Variants in HCRTR2 observed in about 807,000 individuals in gnomAD.
The protein encoded by HCRTR2 is orexin receptor type 2.
HCRTR2 carries 22 observed loss-of-function variants against 49.0 expected under a neutral mutation model. That is an observed-to-expected ratio of 0.45 (90% CI 0.32 to 0.64). The LOEUF is 0.64. Ranked by LOEUF, HCRTR2 falls within the 30% of genes least tolerant of loss-of-function variation. HCRTR2 has a pLI of 0.04. For synonymous variants in HCRTR2, 236 were observed against 205.3 expected, an observed-to-expected ratio of 1.15 and a Z score of -1.28; for missense variants, 491 against 559.4, an observed-to-expected ratio of 0.88 and a Z score of 1.23.
chr6:55,108,742 C>T (rs1042014011), intron 1 of HCRTR2, among the ~76,000 whole-genome samples: 1 of 151,924 alleles, frequency 6.6e-6, no homozygotes, highest in Admixed American at 6.6e-5. Context: ...TGGGGAAAGG[C>T]CACAGGGAGA....
At chr6:55,134,472 A>G (rs533988647) in intron 1 of HCRTR2, among the ~76,000 whole-genome samples, 14 of 151,772 alleles carry the variant, frequency 9.2e-5, no homozygotes, top group African/African-American at 2.9e-4. Flanking sequence ...GTGTGTGTGT[A>G]TGTATAGTGA....
At chr6:55,198,196 A>T in intron 1 of HCRTR2, among the ~76,000 whole-genome samples, 1 of 152,156 alleles carries the variant, frequency 6.6e-6, no homozygotes, top group Non-Finnish European at 1.5e-5. Flanking sequence ...CCCAATCTGT[A>T]TCTCTACCCC....
chr6:55,242,275 A>G (rs928958360), intron 1 of HCRTR2, among the ~76,000 whole-genome samples: 9 of 152,202 alleles, frequency 5.9e-5, no homozygotes, highest in Non-Finnish European at 1.2e-4. Context: ...TTCACCTTAT[A>G]GTGCAACCAT....
At chr6:55,234,759 G>T (rs1581846191) in intron 1 of HCRTR2, among the ~76,000 whole-genome samples, 1 of 152,228 alleles carries the variant, frequency 6.6e-6, no homozygotes, top group Non-Finnish European at 1.5e-5. Flanking sequence ...AACTAGTACT[G>T]CACCAAGCAC....
rs1767165776 is a variant in HCRTR2 at position 55,280,393 on chromosome 6, C to T, written c.1054C>T (p.Leu352Phe). 1.2e-6 allele frequency: 2 copies of T among 1,612,586 alleles called. No homozygotes were observed. The highest frequency in any genetic ancestry group is 8.5e-7 in the Non-Finnish European group (1 of 1,178,746). ...VYAWFTFSHW[L>F]VYANSAANPI... ...TGCCTGGTTTACCTTTTCACACTGG[C>T]TTGTATATGCCAATAGTGCTGCGAA... is the stretch of plus-strand genomic sequence containing the variant. The change falls in exon 6 of 7, where the codon CTT becomes TTT. Residue 352 changes from leucine to phenylalanine, a missense_variant. Transcript: ENST00000370862.
Position 55,121,708 on chromosome 6 carries a change from A to G in HCRTR2, c.-378+15163A>G, listed in dbSNP as rs367686817. On this transcript the variant is annotated intron_variant, in intron 1 of 7. Transcript: ENST00000615358. Reference sequence around the variant, plus strand: ...TTTGTCAAAGGCCTTTTCTGCGTCTATTGAGATAATCATGTGGTTTTTGTC... The same window carrying G: ...TTTGTCAAAGGCCTTTTCTGCGTCTGTTGAGATAATCATGTGGTTTTTGTC... Among the ~76,000 whole-genome samples, 9 of 152,216 alleles carry G rather than the reference A, an allele frequency of 5.9e-5. No homozygotes were observed. The South Asian group carries it at 1.2e-3, about 21-fold the overall frequency.
At chr6:55,208,722 G>A (rs887830770) in intron 1 of HCRTR2, among the ~76,000 whole-genome samples, 3 of 152,132 alleles carry the variant, frequency 2.0e-5, no homozygotes, top group African/African-American at 4.8e-5. Context: ...GCTGTGATGT[G>A]TACTCAAGAT....
At chr6:55,110,870 AC>A (rs1764039697) in intron 1 of HCRTR2, among the ~76,000 whole-genome samples, 1 of 152,094 alleles carries the variant, frequency 6.6e-6, no homozygotes, top group African/African-American at 2.4e-5. Flanking sequence ...CCCTAGACAA[AC>A]AAACTTAACA....
intron 2 of HCRTR2, among the ~76,000 whole-genome samples, chr6:55,250,370 T>C (rs1284983163): frequency 2.0e-5 from 3 of 152,150 alleles, no homozygotes; most frequent in African/African-American, 7.2e-5. Context: ...TTTCAGATAA[T>C]TCTAATATTT....
At chr6:55,205,120 G>A (rs544312301) in intron 1 of HCRTR2, among the ~76,000 whole-genome samples, 18 of 152,012 alleles carry the variant, frequency 1.2e-4, no homozygotes, top group East Asian at 3.9e-4. Context: ...ATGTCTATTC[G>A]ATAACCAAGT....
chr6:55,225,003 G>A (rs1402452274), intron 1 of HCRTR2, among the ~76,000 whole-genome samples: 1 of 152,092 alleles, frequency 6.6e-6, no homozygotes, highest in Non-Finnish European at 1.5e-5. Flanking sequence ...TAGATTTTAA[G>A]TGTTTTTGAC....
At chr6:55,121,340 G>T (rs1013394045) in intron 1 of HCRTR2, among the ~76,000 whole-genome samples, 2 of 152,036 alleles carry the variant, frequency 1.3e-5, no homozygotes, top group African/African-American at 4.8e-5. Flanking sequence ...CTGAGATTTT[G>T]CTGAAGTTGC....
At chr6:55,121,557 C>T (rs1300408999) in intron 1 of HCRTR2, among the ~76,000 whole-genome samples, 3 of 152,248 alleles carry the variant, frequency 2.0e-5, no homozygotes, top group Middle Eastern at 3.4e-3. Flanking sequence ...AAAGGGAATG[C>T]TTCCAGTTTT....
At chr6:55,133,016 G>T (rs983411595) in intron 1 of HCRTR2, among the ~76,000 whole-genome samples, 2 of 151,758 alleles carry the variant, frequency 1.3e-5, no homozygotes, top group African/African-American at 4.8e-5. Flanking sequence ...TGGGATAGCT[G>T]ATAATCTCAA....
chr6:55,233,162 C>G (rs1358837476), intron 1 of HCRTR2, among the ~76,000 whole-genome samples: 1 of 151,332 alleles, frequency 6.6e-6, no homozygotes, highest in East Asian at 1.9e-4. Context: ...AATCTCAGCT[C>G]ACTGCAATCT....
intron 1 of HCRTR2, among the ~76,000 whole-genome samples, chr6:55,204,545 A>T (rs1765567397): frequency 2.0e-5 from 3 of 152,160 alleles, no homozygotes; most frequent in Admixed American, 2.0e-4. Flanking sequence ...TGTAGGACAG[A>T]GCCTGATAGC....
At chr6:55,128,836 C>T (rs1175474622) in intron 1 of HCRTR2, among the ~76,000 whole-genome samples, 2 of 152,028 alleles carry the variant, frequency 1.3e-5, no homozygotes, top group East Asian at 1.9e-4. Flanking sequence ...TACTGTGGCA[C>T]ACTAGTATTG....
intron 1 of HCRTR2, among the ~76,000 whole-genome samples, chr6:55,146,311 A>G (rs1401632023): frequency 6.6e-6 from 1 of 152,220 alleles, no homozygotes; most frequent in Non-Finnish European, 1.5e-5. Flanking sequence ...CATTAATGCA[A>G]AAGTAATAAT....
chr6:55,142,872 GGT>G (rs1764527052), intron 1 of HCRTR2, among the ~76,000 whole-genome samples: 1 of 151,678 alleles, frequency 6.6e-6, no homozygotes, highest in Non-Finnish European at 1.5e-5. Context: ...AAAAATTTAG[GGT>G]GAAGAAATAA....
Sources: allele counts gnomAD v4.1 joint callset (sites outside exome capture counted in the v4.1 genomes callset), GRCh38; gene constraint gnomAD v4.1.1; transcripts MANE v1.5; gene names NCBI Gene and HGNC (gene_info 2026-07-23, HGNC 2026-07-21).